SMIM31: variants seen among roughly 807,000 people sequenced by gnomAD.
SMIM31 encodes the protein human epithelial cell program regulator.
At position 164,788,478 on chromosome 4, in the gene SMIM31, C is replaced by CTTTTTT. The variant is rs72177805; in HGVS notation, c.113-12590_113-12585dup. ...ATAAAATTTCTTTCTTCTAATTTTT[C>CTTTTTT]TTTTTTTTTTTTTTTTTTTTTTTTT... is the stretch of plus-strand genomic sequence containing the variant. On this transcript the variant is annotated intron_variant, in intron 2 of 2. Coordinates refer to ENST00000507311, the MANE Select transcript of SMIM31 (RefSeq NM_001352885.1). Among the ~76,000 whole-genome samples, 187 of 58,188 alleles carry CTTTTTT rather than the reference C, an allele frequency of 3.2e-3. 7 individuals are homozygous for CTTTTTT. Among genetic ancestry groups the CTTTTTT allele is most frequent in the East Asian group, 4.1e-3 (8 of 1,942 alleles). 38.2% of individuals were successfully genotyped at this position (58,188 alleles called of 152,430 possible).
chr4:164,803,637 A>T lies in SMIM31; in HGVS notation c.*2443A>T, dbSNP rs10028263. ...TGGTGAAACCTCCTCTCTACTAAAA[A>T]TACAAAAATTAGCCAGGCGTGGTGG... On this transcript the variant is annotated 3_prime_UTR_variant, in exon 3 of 3. Transcript: ENST00000507311. 115,296 of 151,574 alleles carry T rather than the reference A, an allele frequency of 0.76. 45,193 individuals carry two copies. The highest frequency in any genetic ancestry group is 0.86 in the Non-Finnish European group (58,736 of 67,982). The allele number at this position is 151,574 out of a possible 1,614,324, so 9.4% of individuals were successfully genotyped here.
chr4:164,756,501 G>A (rs1025279457), intron 1 of SMIM31, among the ~76,000 whole-genome samples: 9 of 151,920 alleles, frequency 5.9e-5, no homozygotes, highest in African/African-American at 1.9e-4. Flanking sequence ...GAACCTGGGA[G>A]GCGGAGCTTG....
chr4:164,766,808 A>G lies in SMIM31; in HGVS notation c.-25-3611A>G, dbSNP rs567323325. Reference sequence around the variant, plus strand: ...TGAGACTCCATCTCAAAAAAAAAAAAAAGAAGAAAAATGCAATGGAGAATA... The same window carrying G: ...TGAGACTCCATCTCAAAAAAAAAAAGAAGAAGAAAAATGCAATGGAGAATA... On this transcript the variant is annotated intron_variant, in intron 1 of 2. Coordinates refer to ENST00000507311, the MANE Select transcript of SMIM31 (RefSeq NM_001352885.1). Among the ~76,000 whole-genome samples, 12 of 152,200 alleles carry G rather than the reference A, an allele frequency of 7.9e-5. No individual in the cohort carries two copies. In the South Asian group the frequency reaches 8.3e-4, roughly 11 times the overall value.
At chr4:164,771,645 CAA>C (rs796468826) in intron 2 of SMIM31, among the ~76,000 whole-genome samples, 5 of 134,290 alleles carry the variant, frequency 3.7e-5, no homozygotes, top group Admixed American at 1.5e-4. Flanking sequence ...ACTAAAAATA[CAA>C]AAAAAAAAAA....
chr4:164,796,371 T>C (rs997379855), intron 2 of SMIM31, among the ~76,000 whole-genome samples: 2 of 152,176 alleles, frequency 1.3e-5, no homozygotes, highest in Non-Finnish European at 2.9e-5. Flanking sequence ...ACCTCCCCTA[T>C]CAGTCCTTGT....
At chr4:164,770,667 T>A (rs17678924) in intron 2 of SMIM31, 112 bp downstream of exon 2, 23,675 of 395,900 alleles carry the variant, frequency 0.06, 931 homozygotes, top group East Asian at 0.15. Flanking sequence ...TGTGTGAGGA[T>A]AACTTTGTTT....
At chr4:164,796,288 C>T (rs949572032) in intron 2 of SMIM31, among the ~76,000 whole-genome samples, 13 of 152,132 alleles carry the variant, frequency 8.5e-5, no homozygotes, top group Non-Finnish European at 1.8e-4. Context: ...AATGTTACTG[C>T]GGTGATGATT....
intron 1 of SMIM31, among the ~76,000 whole-genome samples, chr4:164,764,081 G>A (rs1732686073): frequency 6.6e-6 from 1 of 152,082 alleles, no homozygotes; most frequent in Non-Finnish European, 1.5e-5. Flanking sequence ...TAGAAACTCA[G>A]AAAGTGATAT....
chr4:164,775,162 A>G (rs1732863080), intron 2 of SMIM31, among the ~76,000 whole-genome samples: 1 of 152,208 alleles, frequency 6.6e-6, no homozygotes, highest in Non-Finnish European at 1.5e-5. Flanking sequence ...CTTATTTTCC[A>G]GGAAATGGCT....
intron 1 of SMIM31, among the ~76,000 whole-genome samples, chr4:164,757,838 A>C (rs575406823): frequency 6.6e-5 from 10 of 152,290 alleles, no homozygotes; most frequent in African/African-American, 2.4e-4. Flanking sequence ...TAAGTCTTGA[A>C]GTCAGGTAGT....
chr4:164,771,175 G>A (rs111905725), intron 2 of SMIM31, among the ~76,000 whole-genome samples: 1 of 152,084 alleles, frequency 6.6e-6, no homozygotes, highest in Non-Finnish European at 1.5e-5. Context: ...TATTCTATCC[G>A]ATAGACATAC....
Position 164,757,493 on chromosome 4 carries a change from C to T in SMIM31, c.-26+3082C>T, listed in dbSNP as rs74816435. Reference sequence around the variant, plus strand: ...CTATCTTAAAAAGTCTTTTTTTTACCATTAAGTTGTAAAGACACTCCACTA... The same window carrying T: ...CTATCTTAAAAAGTCTTTTTTTTACTATTAAGTTGTAAAGACACTCCACTA... On this transcript the variant is annotated intron_variant, in intron 1 of 2. Coordinates refer to ENST00000507311, the MANE Select transcript of SMIM31 (RefSeq NM_001352885.1). 9.4e-3 allele frequency among the ~76,000 whole-genome samples: 1,426 copies of T among 150,992 alleles called. 30 individuals are homozygous for T. Among genetic ancestry groups the T allele is most frequent in the African/African-American group, 0.033 (1,360 of 41,146 alleles).
At chr4:164,798,490 C>G (rs13138910) in intron 2 of SMIM31, among the ~76,000 whole-genome samples, 81,567 of 151,666 alleles carry the variant, frequency 0.54, 23,124 homozygotes, top group South Asian at 0.66. Flanking sequence ...ATCCGCCCAC[C>G]TCGGCCTCCC....
intron 2 of SMIM31, among the ~76,000 whole-genome samples, chr4:164,797,414 G>A (rs112274524): frequency 1.1e-3 from 171 of 149,866 alleles, no homozygotes; most frequent in African/African-American, 4.0e-3. Context: ...AAAAGGACAT[G>A]TATATATATA....
At chr4:164,777,532 G>A (rs1023222005) in intron 2 of SMIM31, among the ~76,000 whole-genome samples, 1 of 152,154 alleles carries the variant, frequency 6.6e-6, no homozygotes, top group African/African-American at 2.4e-5. Flanking sequence ...TCATATTGCT[G>A]TCCACCTGCA....
chr4:164,798,169 A>G (rs1733229830), intron 2 of SMIM31, among the ~76,000 whole-genome samples: 1 of 151,720 alleles, frequency 6.6e-6, no homozygotes, highest in Non-Finnish European at 1.5e-5. Flanking sequence ...TATCTTTGCT[A>G]TTGTGATCAT....
At chr4:164,770,689 CAT>C (rs1266296166) in intron 2 of SMIM31, 134 bp downstream of exon 2, 3 of 393,388 alleles carry the variant, frequency 7.6e-6, no homozygotes, top group Non-Finnish European at 1.3e-5. Flanking sequence ...TGTTTTGTGG[CAT>C]GTGTGTGTGT....
rs934406162 is a variant in SMIM31, at chr4:164,803,119, G to T, written c.*1925G>T. ...CCTATTATTATTGGAAAGCATTTTG[G>T]GACATTTGGACTTTTAAGTTTACTG... is the stretch of plus-strand genomic sequence containing the variant. On this transcript the variant is annotated 3_prime_UTR_variant, in exon 3 of 3. Coordinates refer to ENST00000507311, the MANE Select transcript of SMIM31 (RefSeq NM_001352885.1). 1.3e-5 allele frequency: 2 copies of T among 152,134 alleles called. No homozygotes were observed. Among genetic ancestry groups the T allele is most frequent in the Middle Eastern group, 3.2e-3 (1 of 316 alleles). 9.4% of individuals were successfully genotyped at this position (152,134 alleles called of 1,614,324 possible).
chr4:164,774,390 A>C (rs1732854591), intron 2 of SMIM31, among the ~76,000 whole-genome samples: 1 of 152,206 alleles, frequency 6.6e-6, no homozygotes, highest in South Asian at 2.1e-4. Flanking sequence ...GGAATCCCTC[A>C]GGCAAAGCCA....
Sources: allele counts gnomAD v4.1 joint callset (sites outside exome capture counted in the v4.1 genomes callset), GRCh38; gene constraint gnomAD v4.1.1; transcripts MANE v1.5; gene names NCBI Gene and HGNC (gene_info 2026-07-23, HGNC 2026-07-21).